Variants in FOXK1 observed in about 807,000 individuals in gnomAD.
The protein encoded by FOXK1 is forkhead box protein K1.
A neutral mutation model predicts 51.9 loss-of-function variants in FOXK1; 19 were observed. The ratio of observed to expected loss-of-function variants is 0.37; its 90% CI spans 0.26 to 0.54. The LOEUF is 0.54. FOXK1 is among the 20% of genes least tolerant of loss of function. The pLI is 0.87. For missense variants in FOXK1, 870 were observed against 1,032.7 expected (o/e 0.84, Z 2.16); for synonymous variants, 537 against 482.6 (o/e 1.11, Z -1.48).
At chr7:4,698,082 C>G (rs1246897799) in intron 1 of FOXK1, among the ~76,000 whole-genome samples, 1 of 152,142 alleles carries the variant, frequency 6.6e-6, no homozygotes, top group Non-Finnish European at 1.5e-5. Flanking sequence ...GCCTTGGCCT[C>G]CCAAAGTGCT....
At chr7:4,738,810 G>A (rs188929785) in intron 1 of FOXK1, among the ~76,000 whole-genome samples, 43 of 152,304 alleles carry the variant, frequency 2.8e-4, no homozygotes, top group Middle Eastern at 3.4e-3. Flanking sequence ...CCAGTATCTC[G>A]GGGAGAATCA....
rs1491183158 is a variant in FOXK1 at position 4,705,984 on chromosome 7, G to GTATA, written c.560+23121_560+23124dup. 3.2e-3 allele frequency among the ~76,000 whole-genome samples: 280 copies of GTATA among 87,902 alleles called. 15 individuals are homozygous for GTATA. Among genetic ancestry groups the GTATA allele is most frequent in the African/African-American group, 0.025 (262 of 10,508 alleles). 57.7% of individuals were successfully genotyped at this position (87,902 alleles called of 152,430 possible). A position where few individuals can be genotyped will look rare whatever the true frequency, so the allele number is the denominator to read the frequency against. ...TGTATATATATATACGTATATATAC[G>GTATA]TATATATACGTATATATACGTATAT... On this transcript the variant is annotated intron_variant, in intron 1 of 8. Transcript: ENST00000328914.
intron 1 of FOXK1, among the ~76,000 whole-genome samples, chr7:4,736,411 TTTG>T (rs1780552687): frequency 6.6e-6 from 1 of 150,724 alleles, no homozygotes; most frequent in South Asian, 2.1e-4. Flanking sequence ...TAGAATCAGT[TTTG>T]TTTTTTTTTT....
In FOXK1 at chr7:4,756,876, C is replaced by T; in HGVS notation, c.1051-118C>T. 1 of 1,100,158 alleles carries T rather than the reference C, an allele frequency of 9.1e-7. No homozygotes were observed. The highest frequency in any genetic ancestry group is 1.3e-6 in the Non-Finnish European group (1 of 762,116). 68.1% of individuals were successfully genotyped at this position (1,100,158 alleles called of 1,614,324 possible). Reference sequence around the variant, plus strand: ...GGCCCAGCCAGCACAGCACCAAGGGCTCTGCACAGAGGGACGGCCTCCCCT... The same window carrying T: ...GGCCCAGCCAGCACAGCACCAAGGGTTCTGCACAGAGGGACGGCCTCCCCT... On this transcript the variant is annotated intron_variant, in intron 4 of 8. Transcript: ENST00000328914. The surrounding 1 kb of genome is among the most constrained non-coding windows in gnomAD (Gnocchi z 4.1).
intron 1 of FOXK1, among the ~76,000 whole-genome samples, chr7:4,740,227 G>A (rs371032823): frequency 1.3e-5 from 2 of 152,226 alleles, no homozygotes; most frequent in African/African-American, 2.4e-5. Context: ...TCAGGAGATC[G>A]AGACCATCCT....
chr7:4,718,439 C>T (rs1356217230), intron 1 of FOXK1, among the ~76,000 whole-genome samples: 49 of 152,350 alleles, frequency 3.2e-4, no homozygotes, highest in Non-Finnish European at 1.5e-5. Flanking sequence ...GGAGTGGATT[C>T]CTTTTTATTG....
intron 1 of FOXK1, among the ~76,000 whole-genome samples, chr7:4,699,944 C>T (rs905906404): frequency 6.6e-6 from 1 of 152,144 alleles, no homozygotes; most frequent in Non-Finnish European, 1.5e-5. Flanking sequence ...CTGGTTGAAT[C>T]GGCTAGGACC....
rs989317903 is a variant in FOXK1 at position 4,762,188 on chromosome 7, C to T, written c.1926C>T (p.Leu642=). 1.5e-5 allele frequency: 23 copies of T among 1,550,886 alleles called. No homozygotes were observed. The African/African-American group carries it at 2.7e-4, about 18-fold the overall frequency. Reference sequence around the variant, plus strand: ...CCTCTTCTTCCTCCACTCCAGCCCTCACCAGCCCTTTGCAGCTCCTTGCGA... The same window carrying T: ...CCTCTTCTTCCTCCACTCCAGCCCTTACCAGCCCTTTGCAGCTCCTTGCGA... ...TNSLAGNAYA[L]TSPLQLLATQ... is the part of the protein sequence containing the mutation. The change falls in exon 9 of 9, where the codon CTC becomes CTT. Residue 642 remains leucine, a synonymous_variant. Transcript: ENST00000328914. The surrounding 1 kb of genome is among the most constrained non-coding windows in gnomAD (Gnocchi z 5.7).
Position 4,706,030 on chromosome 7 carries a change from A to G in FOXK1, c.560+23162A>G, listed in dbSNP as rs559850625. Among the ~76,000 whole-genome samples the G allele has an allele frequency of 4.7e-5, 5 of 107,276 alleles. 1 individual carries two copies. The highest frequency in any genetic ancestry group is 2.0e-4 in the East Asian group (1 of 5,016). The allele number at this position is 107,276 out of a possible 152,430, so 70.4% of individuals were successfully genotyped here. ...TATATATACGTATATATACGTGTAT[A>G]TACGTGTATATACGTGTATATATGT... On this transcript the variant is annotated intron_variant, in intron 1 of 8. Coordinates refer to ENST00000328914, the MANE Select transcript of FOXK1 (RefSeq NM_001037165.2).
intron 1 of FOXK1, among the ~76,000 whole-genome samples, chr7:4,727,470 C>T (rs1274513663): frequency 2.6e-5 from 4 of 152,194 alleles, no homozygotes; most frequent in East Asian, 3.9e-4. Context: ...CATGCAGCAC[C>T]ACGCCCAGCT....
chr7:4,704,986 C>G (rs1174254226), intron 1 of FOXK1, among the ~76,000 whole-genome samples: 3 of 151,588 alleles, frequency 2.0e-5, no homozygotes. Flanking sequence ...CACATGCCAC[C>G]ACGCCCGGCT....
rs1780810419 is a variant in FOXK1 at position 4,753,956 on chromosome 7, CCA to C, written c.747-501_747-500del. Among the ~76,000 whole-genome samples, 1 of 152,192 alleles carries C rather than the reference CCA, an allele frequency of 6.6e-6. No homozygotes were observed. The highest frequency in any genetic ancestry group is 2.4e-5 in the African/African-American group (1 of 41,450). On this transcript the variant is annotated intron_variant, in intron 2 of 8. Coordinates refer to ENST00000328914, the MANE Select transcript of FOXK1 (RefSeq NM_001037165.2). The surrounding 1 kb of genome is among the most constrained non-coding windows in gnomAD (Gnocchi z 4.9). ...GCGGTGTCTCCAGGAGAGCCACCTG[CCA>C]CGCCTTCACCCTGCAGGGCGATGGC...
At position 4,682,464 on chromosome 7, in the gene FOXK1, G is replaced by A. The variant is rs1457247305; in HGVS notation, c.156G>A (p.Pro52=). The stretch of plus-strand genomic sequence containing the variant: ...CGCAGCCCCAGCCTCCGCCCGGGCC[G>A]CCGCCGCCGCCGCCACCGCCGCTGC... ...APAQPQPPPG[P]PPPPPPPLPP... Residue 52 remains proline, a synonymous_variant, in exon 1 of 9, where the codon CCG becomes CCA. Transcript: ENST00000328914. The surrounding 1 kb of genome is among the most constrained non-coding windows in gnomAD (Gnocchi z 7.6). 13 of 983,616 alleles carry A rather than the reference G, an allele frequency of 1.3e-5. No homozygotes were observed. In the South Asian group the frequency reaches 4.5e-4, roughly 34 times the overall value. 60.9% of individuals were successfully genotyped at this position (983,616 alleles called of 1,614,324 possible).
rs746107121 is a variant in FOXK1, at chr7:4,759,203, C to T, written c.1397C>T (p.Ser466Phe). 6.2e-7 allele frequency: 1 copy of T among 1,612,570 alleles called. No individual in the cohort carries two copies. The highest frequency in any genetic ancestry group is 1.7e-5 in the Admixed American group (1 of 60,024). ...KLASVPEYRY[S>F]QSAPGSPVSA... ...GCTTCTGTCCCAGAGTACCGGTATT[C>T]CCAAAGCGCACCCGGTAAGGAGCGG... The change falls in exon 6 of 9, where the codon TCC becomes TTC. Residue 466 changes from serine (S) to phenylalanine (F), a missense_variant. Ser to Phe is a radical substitution (Grantham distance 155). Coordinates refer to ENST00000328914, the MANE Select transcript of FOXK1 (RefSeq NM_001037165.2).
At position 4,769,190 on chromosome 7, in the gene FOXK1, C is replaced by T. The variant is rs1781059824; in HGVS notation, c.*6726C>T. 1 of 152,196 alleles carries T rather than the reference C, an allele frequency of 6.6e-6. No homozygotes were observed. Among genetic ancestry groups the T allele is most frequent in the Non-Finnish European group, 1.5e-5 (1 of 68,040 alleles). The allele number at this position is 152,196 out of a possible 1,614,324, so 9.4% of individuals were successfully genotyped here. A position where few individuals can be genotyped will look rare whatever the true frequency, so the allele number is the denominator to read the frequency against. On this transcript the variant is annotated 3_prime_UTR_variant, in exon 9 of 9. Transcript: ENST00000328914. The surrounding 1 kb of genome is among the most constrained non-coding windows in gnomAD (Gnocchi z 4.1). Reference sequence around the variant, plus strand: ...ACCCCTCGGAAGAATCTTAGTCACTCTTTGCACCTGCCCTGTCATTCTCGC... The same window carrying T: ...ACCCCTCGGAAGAATCTTAGTCACTTTTTGCACCTGCCCTGTCATTCTCGC...
Position 4,687,198 on chromosome 7 carries a change from C to G in FOXK1, c.560+4330C>G, listed in dbSNP as rs558820806. Among the ~76,000 whole-genome samples the G allele has an allele frequency of 3.9e-5, 6 of 152,168 alleles. No homozygotes were observed. The Middle Eastern group carries it at 0.017, about 431-fold the overall frequency. On this transcript the variant is annotated intron_variant, in intron 1 of 8. Coordinates refer to ENST00000328914, the MANE Select transcript of FOXK1 (RefSeq NM_001037165.2). The stretch of plus-strand genomic sequence containing the variant: ...CCACCCTCCTCGGCCTTCCAAAGTG[C>G]TGGGATTACAGGCGTGAGCCACCAC...
rs1250151268 is a variant in FOXK1, at chr7:4,715,104, G to A, written c.561-25734G>A. Among the ~76,000 whole-genome samples the A allele has an allele frequency of 6.6e-6, 1 of 152,060 alleles. No homozygotes were observed. The highest frequency in any genetic ancestry group is 2.4e-5 in the African/African-American group (1 of 41,374). On this transcript the variant is annotated intron_variant, in intron 1 of 8. Transcript: ENST00000328914. This position sits in a 1 kb window ranked among gnomAD's most constrained non-coding sequence, Gnocchi z 4.5. ...GGCTTTAGTACAGAAAATATTCAAA[G>A]CCAGTGCAGCTGGAATTGTGATATA...
intron 1 of FOXK1, among the ~76,000 whole-genome samples, chr7:4,697,543 C>T (rs536616337): frequency 2.6e-5 from 4 of 152,322 alleles, no homozygotes; most frequent in African/African-American, 9.6e-5. Context: ...CCTGGTGGCC[C>T]GTCTGCACAC....
rs1222928719 is a variant in FOXK1 at position 4,729,621 on chromosome 7, T to C, written c.561-11217T>C. On this transcript the variant is annotated intron_variant, in intron 1 of 8. Coordinates refer to ENST00000328914, the MANE Select transcript of FOXK1 (RefSeq NM_001037165.2). The surrounding 1 kb of genome is among the most constrained non-coding windows in gnomAD (Gnocchi z 6.2). ...GTGCTTGGCCGCCTCTGTGGGGCTC[T>C]ATCCTAATTCAGTGAGGTCTCTCGC... 6.6e-6 allele frequency among the ~76,000 whole-genome samples: 1 copy of C among 152,212 alleles called. No homozygotes were observed. Among genetic ancestry groups the C allele is most frequent in the East Asian group, 1.9e-4 (1 of 5,194 alleles).
Sources: allele counts gnomAD v4.1 joint callset (sites outside exome capture counted in the v4.1 genomes callset), GRCh38; gene constraint gnomAD v4.1.1; non-coding constraint Gnocchi (gnomAD v3.1); transcripts MANE v1.5; gene names NCBI Gene and HGNC (gene_info 2026-07-23, HGNC 2026-07-21).